Variants in CTIF observed in about 807,000 individuals in gnomAD.
The protein encoded by CTIF is cap binding complex dependent translation initiation factor.
A neutral mutation model predicts 66.0 loss-of-function variants in CTIF; 21 were observed. The observed-to-expected ratio is 0.32, with a 90% confidence interval of 0.23 to 0.46. The LOEUF (loss-of-function observed/expected upper bound fraction) is 0.46, where lower values mean the gene tolerates loss of function less well. CTIF is among the 20% of genes least tolerant of loss of function. The pLI, the probability that CTIF is intolerant of heterozygous loss-of-function variation, is 1.00. For synonymous variants in CTIF, 345 were observed against 326.4 expected (o/e 1.06, Z -0.62); for missense variants, 739 against 812.7 (o/e 0.91, Z 1.10).
At chr18:48,680,321 G>A (rs1054829063) in intron 6 of CTIF, among the ~76,000 whole-genome samples, 6 of 152,248 alleles carry the variant, frequency 3.9e-5, no homozygotes, top group Admixed American at 1.3e-4. Flanking sequence ...CAGGGAGTAG[G>A]GCCTTGAGGC....
intron 2 of CTIF, among the ~76,000 whole-genome samples, chr18:48,630,694 G>A (rs1182118251): frequency 7.2e-6 from 1 of 139,794 alleles, no homozygotes; most frequent in Non-Finnish European, 1.5e-5. Flanking sequence ...TATTTATTTT[G>A]AGTTGGAGTC....
At chr18:48,703,910 G>A (rs2092117528) in intron 6 of CTIF, among the ~76,000 whole-genome samples, 2 of 152,238 alleles carry the variant, frequency 1.3e-5, no homozygotes, top group South Asian at 4.1e-4. Flanking sequence ...TGGGGTTACA[G>A]CAAGGATATG....
intron 9 of CTIF, among the ~76,000 whole-genome samples, chr18:48,777,166 C>T (rs1164800957): frequency 6.6e-6 from 1 of 152,180 alleles, no homozygotes; most frequent in African/African-American, 2.4e-5. Flanking sequence ...TCCTTCCCAC[C>T]CGCCTGGCCC....
chr18:48,855,351 A>G (rs2069304319), intron 10 of CTIF, among the ~76,000 whole-genome samples: 1 of 152,224 alleles, frequency 6.6e-6, no homozygotes, highest in African/African-American at 2.4e-5. Context: ...ATTCCACTCA[A>G]TATTTGAGTA....
intron 2 of CTIF, among the ~76,000 whole-genome samples, chr18:48,626,000 C>CTTTTTTTTTTTTTTTTTTTTTTTTTTT (rs74174709): frequency 9.2e-6 from 1 of 109,174 alleles, no homozygotes; most frequent in South Asian, 3.2e-4. Flanking sequence ...CTTTTTCTTT[C>CTTTTTTTTTTTTTTTTTTTTTTTTTTT]TTTTTTTTTT....
At chr18:48,781,824 T>A (rs1338499300) in intron 9 of CTIF, among the ~76,000 whole-genome samples, 1 of 152,224 alleles carries the variant, frequency 6.6e-6, no homozygotes, top group African/African-American at 2.4e-5. Flanking sequence ...TGAACTTGGA[T>A]ACTTCCCCTA....
At chr18:48,732,666 G>A (rs1023447312) in intron 7 of CTIF, among the ~76,000 whole-genome samples, 1 of 152,200 alleles carries the variant, frequency 6.6e-6, no homozygotes, top group Non-Finnish European at 1.5e-5. Flanking sequence ...TTCTGGACAT[G>A]AGGTTTCTTG....
chr18:48,766,201 A>G (rs766200263), intron 9 of CTIF, among the ~76,000 whole-genome samples: 3 of 149,504 alleles, frequency 2.0e-5, no homozygotes, highest in African/African-American at 7.4e-5. Context: ...CATATGAATC[A>G]CGTGGGATTT....
intron 1 of CTIF, among the ~76,000 whole-genome samples, chr18:48,581,742 A>G: frequency 6.6e-6 from 1 of 152,194 alleles, no homozygotes; most frequent in African/African-American, 2.4e-5. Flanking sequence ...GCAAGAGCTT[A>G]TTAAGCCCTG....
At chr18:48,573,627 G>C (rs374866816) in intron 1 of CTIF, among the ~76,000 whole-genome samples, 25 of 152,208 alleles carry the variant, frequency 1.6e-4, no homozygotes, top group African/African-American at 6.0e-4. Context: ...ATTAGATGAT[G>C]GGGAGTTAAT....
chr18:48,619,956 C>T (rs960643349), intron 2 of CTIF, among the ~76,000 whole-genome samples: 1 of 152,188 alleles, frequency 6.6e-6, no homozygotes, highest in Non-Finnish European at 1.5e-5. Context: ...AACCCACCTC[C>T]ACTCCTCCCT....
Position 48,664,441 on chromosome 18 carries a change from C to T in CTIF, c.327-6C>T. On this transcript the variant is annotated splice_polypyrimidine_tract_variant and splice_region_variant and intron_variant, in intron 4 of 11. Coordinates refer to ENST00000256413, the MANE Select transcript of CTIF (RefSeq NM_014772.3). ...CCTCCGTTTCTCACCCTCCCTCGCCCTCTAGTGGTGCCACCTGGGACCTGC... is the reference window on the plus strand; with the variant it reads ...CCTCCGTTTCTCACCCTCCCTCGCCTTCTAGTGGTGCCACCTGGGACCTGC... 1 of 1,612,806 alleles carries T rather than the reference C, an allele frequency of 6.2e-7. No individual in the cohort carries two copies. The highest frequency in any genetic ancestry group is 8.5e-7 in the Non-Finnish European group (1 of 1,179,322).
At chr18:48,548,859 G>T (rs1288674158) in intron 1 of CTIF, among the ~76,000 whole-genome samples, 1 of 152,238 alleles carries the variant, frequency 6.6e-6, no homozygotes, top group Non-Finnish European at 1.5e-5. Flanking sequence ...GCCTGGCAGG[G>T]TCCCTGCTGC....
rs2069487586 is a variant in CTIF, at chr18:48,862,254, A to C, written c.*2695A>C. ...TCTGAATGTATGTGATGAGAGGCAG[A>C]GCTGGATATTGCATTTCTAAGGCTT... On this transcript the variant is annotated 3_prime_UTR_variant, in exon 12 of 12. Transcript: ENST00000256413. 6.6e-6 allele frequency: 1 copy of C among 152,260 alleles called. No individual in the cohort carries two copies. The highest frequency in any genetic ancestry group is 2.1e-4 in the South Asian group (1 of 4,834). 9.4% of individuals were successfully genotyped at this position (152,260 alleles called of 1,614,324 possible). A position where few individuals can be genotyped will look rare whatever the true frequency, so the allele number is the denominator to read the frequency against.
intron 9 of CTIF, among the ~76,000 whole-genome samples, chr18:48,809,672 T>C (rs2068221227): frequency 6.6e-6 from 1 of 152,120 alleles, no homozygotes; most frequent in African/African-American, 2.4e-5. Flanking sequence ...ATAAAAATTG[T>C]AAGTTTAGAG....
chr18:48,785,865 C>A (rs1000671423), intron 9 of CTIF, among the ~76,000 whole-genome samples: 1 of 152,190 alleles, frequency 6.6e-6, no homozygotes, highest in Non-Finnish European at 1.5e-5. Context: ...CCCGCATCAA[C>A]ATTGTTTAAA....
chr18:48,592,013 A>C (rs1230526199), intron 1 of CTIF, among the ~76,000 whole-genome samples: 4 of 152,164 alleles, frequency 2.6e-5, no homozygotes, highest in Non-Finnish European at 4.4e-5. Context: ...CTGCTTCGGA[A>C]AGCGCTGGGA....
intron 9 of CTIF, among the ~76,000 whole-genome samples, chr18:48,778,726 A>C (rs946909423): frequency 2.0e-5 from 3 of 152,134 alleles, no homozygotes; most frequent in Non-Finnish European, 4.4e-5. Flanking sequence ...GGCATGGAGT[A>C]CTACACTTCA....
At chr18:48,678,481 G>T (rs2091678520) in intron 6 of CTIF, among the ~76,000 whole-genome samples, 1 of 151,914 alleles carries the variant, frequency 6.6e-6, no homozygotes, top group Non-Finnish European at 1.5e-5. Flanking sequence ...GGGGCCAGAA[G>T]TTCTCCAATC....
Sources: allele counts gnomAD v4.1 joint callset (sites outside exome capture counted in the v4.1 genomes callset), GRCh38; gene constraint gnomAD v4.1.1; transcripts MANE v1.5; gene names NCBI Gene and HGNC (gene_info 2026-07-23, HGNC 2026-07-21).